The following SLC47A2 variants were observed in gnomAD, a reference collection of about 807,000 sequenced individuals.
SLC47A2 encodes multidrug and toxin extrusion protein 2.
A neutral mutation model predicts 67.7 loss-of-function variants in SLC47A2; 52 were observed. The observed-to-expected ratio is 0.77, with a 90% CI of 0.61 to 0.97. The LOEUF is 0.97. Ranked by LOEUF, SLC47A2 falls within the 50% of genes least tolerant of loss-of-function variation. The pLI, the probability that SLC47A2 is intolerant of heterozygous loss-of-function variation, is 0.00. For missense variants in SLC47A2, 676 were observed against 712.3 expected (o/e 0.95, Z 0.58); for synonymous variants, 278 against 292.9 (o/e 0.95, Z 0.52).
chr17:19,715,697 G>GTGTTTTTTTT (rs2086236568), intron 1 of SLC47A2: 1 of 99,472 alleles, frequency 1.0e-5, no homozygotes, highest in African/African-American at 3.9e-5. Context: ...TTTTGGTTTT[G>GTGTTTTTTTT]TTTTTTTTGT....
Position 19,708,412 on chromosome 17 carries a change from A to G in SLC47A2, c.532-13T>C. The G allele has an allele frequency of 6.2e-7, 1 of 1,614,186 alleles. No individual in the cohort carries two copies. The highest frequency in any genetic ancestry group is 8.5e-7 in the Non-Finnish European group (1 of 1,180,036). On this transcript the variant is annotated splice_polypyrimidine_tract_variant and intron_variant, in intron 6 of 16. Transcript: ENST00000433844. ...GCCAGGTGATCTTCTGAAATAAATG[A>G]AAACTGGCCCTGCTAAGGTGTGAGT...
intron 7 of SLC47A2, 90 bp from the exon 8 acceptor site, chr17:19,707,933 G>T (rs8077196): frequency 8.3e-7 from 1 of 1,211,972 alleles, no homozygotes; most frequent in East Asian, 2.5e-5. Context: ...CGGCCAGCCC[G>T]TGTGGGGCAG....
At chr17:19,713,764 T>C in intron 4 of SLC47A2, 61 bp downstream of exon 4, 1 of 1,567,354 alleles carries the variant, frequency 6.4e-7, no homozygotes, top group Non-Finnish European at 8.6e-7. Flanking sequence ...ATCTTCAGGG[T>C]TTCCCTCGGC....
At chr17:19,708,691 C>G in intron 6 of SLC47A2, 25 bp downstream of exon 6, 3 of 1,613,742 alleles carry the variant, frequency 1.9e-6, no homozygotes, top group Non-Finnish European at 2.5e-6. Flanking sequence ...GGAGAAGGGC[C>G]TCCCCACACA....
At chr17:19,686,348 C>T (rs1176835989) in intron 13 of SLC47A2, among the ~76,000 whole-genome samples, 1 of 151,932 alleles carries the variant, frequency 6.6e-6, no homozygotes, top group Admixed American at 6.6e-5. Flanking sequence ...AGTATACTAC[C>T]AGAGAAAATC....
chr17:19,707,877 T>C (rs747435508), intron 7 of SLC47A2, 34 bp from the exon 8 acceptor site: 2 of 1,545,466 alleles, frequency 1.3e-6, no homozygotes, highest in African/African-American at 2.7e-5. Context: ...CTGCGACTGA[T>C]GCCAACTCTC....
chr17:19,706,576 T>C, intron 9 of SLC47A2, 72 bp downstream of exon 9: 6 of 1,318,298 alleles, frequency 4.6e-6, no homozygotes, highest in Non-Finnish European at 6.2e-6. Context: ...TGAGCCGCCA[T>C]CCTGGGGAGG....
chr17:19,718,658 A>G (rs2086309808), upstream of SLC47A2: 1 of 152,200 alleles, frequency 6.6e-6, no homozygotes, highest in African/African-American at 2.4e-5. Flanking sequence ...CTCCTCTCAG[A>G]ATTTCAATCC....
chr17:19,709,578 A>C (rs910954298), intron 5 of SLC47A2, among the ~76,000 whole-genome samples: 1 of 151,976 alleles, frequency 6.6e-6, no homozygotes, highest in Admixed American at 6.6e-5. Context: ...TGGGGATAAT[A>C]ATAGTGTGTG....
upstream of SLC47A2, chr17:19,716,614 CAGCG>C: frequency 6.7e-7 from 1 of 1,503,076 alleles, no homozygotes; most frequent in South Asian, 1.3e-5. Context: ...CAGCTTTGTC[CAGCG>C]AGCCACCCCC....
In SLC47A2 at chr17:19,690,089, C is replaced by T. The variant is rs182571872; in HGVS notation, c.1165-8419G>A. ...AAAATAGACACACAGACTAATGGAA[C>T]GGAATAGAGAACCCAGAAGTAAATC... On this transcript the variant is annotated intron_variant, in intron 13 of 16. Transcript: ENST00000433844. Among the ~76,000 whole-genome samples, 207 of 152,100 alleles carry T rather than the reference C, an allele frequency of 1.4e-3. 1 individual carries two copies. The highest frequency in any genetic ancestry group is 0.01 in the Middle Eastern group (3 of 294).
chr17:19,716,383 C>T (rs1244586131), intron 1 of SLC47A2, 50 bp downstream of exon 1: 1 of 1,565,702 alleles, frequency 6.4e-7, no homozygotes, highest in Non-Finnish European at 8.6e-7. Flanking sequence ...ACACCCTCAG[C>T]CTCTCAGCTT....
intron 13 of SLC47A2, among the ~76,000 whole-genome samples, chr17:19,694,634 G>A (rs2085616439): frequency 6.6e-6 from 1 of 152,074 alleles, no homozygotes; most frequent in Non-Finnish European, 1.5e-5. Context: ...AAATGGATCA[G>A]AGGCCAGGCG....
rs572322764 is a variant in SLC47A2 at position 19,695,625 on chromosome 17, A to T, written c.1164+6980T>A. 3.2e-4 allele frequency among the ~76,000 whole-genome samples: 48 copies of T among 152,206 alleles called. 1 individual carries two copies. In the South Asian group the frequency reaches 9.5e-3, roughly 30 times the overall value. ...CACAGCCTGGGTTTGCAAATCATAA[A>T]GCTTGATAAAGGACTTGTATCCAGA... On this transcript the variant is annotated intron_variant, in intron 13 of 16. Coordinates refer to ENST00000433844, the MANE Select transcript of SLC47A2 (RefSeq NM_001099646.3).
intron 6 of SLC47A2, 39 bp from the exon 7 acceptor site, chr17:19,708,438 G>A (rs953991381): frequency 1.2e-6 from 2 of 1,614,200 alleles, no homozygotes; most frequent in Non-Finnish European, 1.7e-6. Context: ...AGGTGTGAGT[G>A]AGATGGATGG....
intron 15 of SLC47A2, among the ~76,000 whole-genome samples, chr17:19,680,728 C>G (rs1244609296): frequency 2.0e-5 from 3 of 152,012 alleles, no homozygotes; most frequent in African/African-American, 7.3e-5. Context: ...TGACCCCTTC[C>G]AAAGTCAAGG....
At chr17:19,716,684 G>A (rs1332511714), upstream of SLC47A2, 10 of 1,358,024 alleles carry the variant, frequency 7.4e-6, no homozygotes, top group African/African-American at 1.5e-4. Flanking sequence ...GCAGGAGGAG[G>A]GGCTACCATG....
intron 12 of SLC47A2, 135 bp from the exon 13 acceptor site, chr17:19,702,809 G>T (rs2085821716): frequency 9.7e-7 from 1 of 1,026,344 alleles, no homozygotes; most frequent in Non-Finnish European, 1.4e-6. Context: ...AATGTAACTG[G>T]CACTGCTAGC....
chr17:19,708,779 C>G lies in SLC47A2; in HGVS notation c.487-19G>C, dbSNP rs1244502086. On this transcript the variant is annotated intron_variant, in intron 5 of 16. Transcript: ENST00000433844. The stretch of plus-strand genomic sequence containing the variant: ...AAATCACCTGTATGAAAAGCAAACC[C>G]AAACAAATCAACAATAATGACCAAA... 6.2e-7 allele frequency: 1 copy of G among 1,613,668 alleles called. No homozygotes were observed. The highest frequency in any genetic ancestry group is 1.3e-5 in the African/African-American group (1 of 74,930).
Sources: allele counts gnomAD v4.1 joint callset (sites outside exome capture counted in the v4.1 genomes callset), GRCh38; gene constraint gnomAD v4.1.1; transcripts MANE v1.5; gene names NCBI Gene and HGNC (gene_info 2026-07-23, HGNC 2026-07-21).